UPRT: variants seen among roughly 807,000 people sequenced by gnomAD.
The protein encoded by UPRT is RP11-311P8.3.
Under a neutral mutation model 22.6 loss-of-function variants are expected in UPRT, and 5 were observed. The observed-to-expected ratio is 0.22, with a 90% CI of 0.12 to 0.47. The LOEUF (loss-of-function observed/expected upper bound fraction) is 0.47, where lower values mean the gene tolerates loss of function less well. UPRT is among the 20% of genes least tolerant of loss of function. The pLI, the probability that UPRT is intolerant of heterozygous loss-of-function variation, is 0.99. For missense variants in UPRT, 181 were observed against 239.9 expected, an observed-to-expected ratio of 0.75 and a Z score of 1.62; for synonymous variants, 77 against 87.7, an observed-to-expected ratio of 0.88 and a Z score of 0.68.
intron 1 of UPRT, among the ~76,000 whole-genome samples, chrX:75,159,146 C>T (rs924209325): frequency 9.0e-6 from 1 of 111,727 alleles, no homozygotes; most frequent in Non-Finnish European, 1.9e-5. Context: ...TTCTGATAAC[C>T]ACTATTCTAC....
intron 4 of UPRT, among the ~76,000 whole-genome samples, chrX:75,299,412 C>A (rs965712002): frequency 9.0e-6 from 1 of 111,543 alleles, no homozygotes; most frequent in Admixed American, 9.5e-5. Context: ...AAAAATATTC[C>A]TGATATTAAA....
At chrX:75,261,184 A>G (rs2082566497) in intron 4 of UPRT, among the ~76,000 whole-genome samples, 1 of 111,811 alleles carries the variant, frequency 8.9e-6, no homozygotes, top group Non-Finnish European at 1.9e-5. Context: ...TAACATCACA[A>G]TTAAAAGAAC....
At chrX:75,173,239 G>C (rs1167356763) in intron 4 of UPRT, among the ~76,000 whole-genome samples, 2 of 110,777 alleles carry the variant, frequency 1.8e-5, no homozygotes, top group Non-Finnish European at 3.8e-5. Context: ...TACAAACCTT[G>C]AGCTAGATAT....
At chrX:75,202,780 A>G (rs1240568444) in intron 4 of UPRT, 1 of 112,087 alleles carries the variant, frequency 8.9e-6, no homozygotes, top group African/African-American at 3.2e-5. Flanking sequence ...CAAGGATGAC[A>G]TGCAAATTTG....
rs774066836 is a variant in UPRT at position 75,274,340 on chromosome X, T to C, written c.86T>C (p.Leu29Pro). 1 of 1,211,787 alleles carries C rather than the reference T, an allele frequency of 8.3e-7. No individual in the cohort carries two copies. Among genetic ancestry groups the C allele is most frequent in the South Asian group, 1.8e-5 (1 of 56,918 alleles). The change falls in exon 1 of 7, where the codon CTG becomes CCG. Residue 29 changes from leucine (L) to proline (P), a missense_variant. By Grantham distance (98) the Leu-to-Pro change is moderately conservative. Transcript: ENST00000373383. ...GCCTCAACCCCAAGTCCCGAGCAGCTGCGACCTGGCGATCTGATCCTGGAC... is the reference window on the plus strand; with the variant it reads ...GCCTCAACCCCAAGTCCCGAGCAGCCGCGACCTGGCGATCTGATCCTGGAC... Reference protein sequence around the residue: ...NSASTPSPEQLRPGDLILDHA... With the variant: ...NSASTPSPEQPRPGDLILDHA...
chrX:75,261,316 T>TA (rs1419438152), intron 4 of UPRT, among the ~76,000 whole-genome samples: 2 of 105,429 alleles, frequency 1.9e-5, no homozygotes, highest in Admixed American at 2.0e-4. Flanking sequence ...GAATCCACAA[T>TA]AAAAAATGAT....
chrX:75,157,427 C>T (rs1015497098), intron 1 of UPRT, among the ~76,000 whole-genome samples: 2 of 111,572 alleles, frequency 1.8e-5, no homozygotes, highest in African/African-American at 3.3e-5. Flanking sequence ...TGGAATTACA[C>T]GTAAAGAAGA....
intron 4 of UPRT, among the ~76,000 whole-genome samples, chrX:75,177,251 T>C (rs1163602736): frequency 1.8e-5 from 2 of 109,368 alleles, no homozygotes; most frequent in African/African-American, 6.9e-5. Flanking sequence ...AAACAACCCC[T>C]GCCCAAGAAC....
At chrX:75,247,331 CA>C (rs960819905) in intron 4 of UPRT, among the ~76,000 whole-genome samples, 5 of 110,135 alleles carry the variant, frequency 4.5e-5, no homozygotes, top group African/African-American at 1.6e-4. Context: ...CTTTCCTAGT[CA>C]AAAAAAAGGG....
At chrX:75,245,860 T>C (rs988797274) in intron 4 of UPRT, among the ~76,000 whole-genome samples, 20 of 111,519 alleles carry the variant, frequency 1.8e-4, no homozygotes, top group African/African-American at 5.9e-4. Context: ...ATCATCTGGG[T>C]GATGAAATAA....
chrX:75,241,704 A>G, intron 4 of UPRT, among the ~76,000 whole-genome samples: 1 of 112,024 alleles, frequency 8.9e-6, no homozygotes. Flanking sequence ...GTGGATAAAG[A>G]AAACGTGCAT....
chrX:75,272,332 A>ATATATATATATG (rs1569279475), upstream of UPRT, among the ~76,000 whole-genome samples: 451 of 91,384 alleles, frequency 4.9e-3, 15 homozygotes, highest in African/African-American at 0.014. Context: ...ATATATATGT[A>ATATATATATATG]TATATATATA....
At chrX:75,259,006 C>G (rs2082558898) in intron 4 of UPRT, among the ~76,000 whole-genome samples, 1 of 111,793 alleles carries the variant, frequency 8.9e-6, no homozygotes, top group Non-Finnish European at 1.9e-5. Context: ...CCAGCAAACT[C>G]CAGCAGACCT....
rs778252425 is a variant in UPRT at position 75,296,328 on chromosome X, C to T, written c.430-14C>T. 3.3e-6 allele frequency: 4 copies of T among 1,206,253 alleles called. No individual in the cohort carries two copies. The East Asian group carries it at 8.9e-5, about 27-fold the overall frequency. On this transcript the variant is annotated splice_polypyrimidine_tract_variant and intron_variant, in intron 2 of 6. Coordinates refer to ENST00000373383, the MANE Select transcript of UPRT (RefSeq NM_145052.4). The stretch of plus-strand genomic sequence containing the variant: ...CCAGCAGGTTCTCAACTTCTTCTTC[C>T]TTTGACTCTCTAGATCAGACTTGTT...
chrX:75,180,681 G>GTTTTTTTTTTTTGT (rs2082266200), intron 4 of UPRT, among the ~76,000 whole-genome samples: 44 of 43,890 alleles, frequency 1.0e-3, no homozygotes, highest in South Asian at 2.2e-3. Flanking sequence ...CCTTTTCTCT[G>GTTTTTTTTTTTTGT]TTTTTTTTTT....
At chrX:75,172,053 G>A (rs1051520990) in intron 4 of UPRT, among the ~76,000 whole-genome samples, 4 of 112,052 alleles carry the variant, frequency 3.6e-5, no homozygotes, top group Admixed American at 9.4e-5. Context: ...TTTTATGCTC[G>A]TTGGCCTCCT....
chrX:75,265,317 C>T (rs985137952), intron 4 of UPRT, among the ~76,000 whole-genome samples: 1 of 111,855 alleles, frequency 8.9e-6, no homozygotes, highest in African/African-American at 3.2e-5. Context: ...TGAGGTACAC[C>T]AATCAGACAT....
At chrX:75,241,668 C>T (rs2147652915) in intron 4 of UPRT, among the ~76,000 whole-genome samples, 1 of 111,482 alleles carries the variant, frequency 9.0e-6, no homozygotes, top group African/African-American at 3.3e-5. Flanking sequence ...AATGTGAAAC[C>T]AGAATAAATG....
At chrX:75,264,171 G>C (rs1183546789) in intron 4 of UPRT, among the ~76,000 whole-genome samples, 5 of 109,561 alleles carry the variant, frequency 4.6e-5, no homozygotes, top group African/African-American at 1.6e-4. Context: ...GTGTGGTGTG[G>C]TGTGGTGCTG....
Sources: gnomAD v4.1 joint callset for allele counts (sites outside exome capture counted in the v4.1 genomes callset) on GRCh38, gnomAD v4.1.1 for gene constraint, MANE v1.5 for transcripts, NCBI Gene and HGNC (gene_info 2026-07-23, HGNC 2026-07-21) for gene names.